The following SLC6A6 variants were observed in gnomAD, a reference collection of about 807,000 sequenced individuals.
The protein encoded by SLC6A6 is sodium- and chloride-dependent taurine transporter.
SLC6A6 carries 16 observed loss-of-function variants against 68.8 expected under a neutral mutation model. The ratio of observed to expected loss-of-function variants is 0.23; its 90% CI spans 0.16 to 0.35. The LOEUF is 0.35. Among genes scored for constraint, SLC6A6 ranks in the 10% least tolerant of loss-of-function variants. SLC6A6 has a pLI of 1.00. For synonymous variants in SLC6A6, 312 were observed against 315.4 expected, an observed-to-expected ratio of 0.99 and a Z score of 0.12; for missense variants, 474 against 802.8, an observed-to-expected ratio of 0.59 and a Z score of 4.95.
In SLC6A6 at chr3:14,443,682, C is replaced by T; in HGVS notation, c.48C>T (p.Asp16=). 6.2e-7 allele frequency: 1 copy of T among 1,614,166 alleles called. No homozygotes were observed. The highest frequency in any genetic ancestry group is 8.5e-7 in the Non-Finnish European group (1 of 1,179,982). ...AGTGTCTGAAAGATTTCCACAAGGACATCCTGAAGCCCTCACCAGGGAAGA... is the reference window on the plus strand; with the variant it reads ...AGTGTCTGAAAGATTTCCACAAGGATATCCTGAAGCCCTCACCAGGGAAGA... ...KLQCLKDFHK[D]ILKPSPGKSP... is the part of the protein sequence containing the mutation. Residue 16 remains aspartate (D), a synonymous_variant, in exon 3 of 15, where the codon GAC becomes GAT. Coordinates refer to ENST00000622186, the MANE Select transcript of SLC6A6 (RefSeq NM_003043.6).
chr3:14,437,585 A>C (rs1194540245), intron 2 of SLC6A6, among the ~76,000 whole-genome samples: 1 of 152,152 alleles, frequency 6.6e-6, no homozygotes, highest in Non-Finnish European at 1.5e-5. Context: ...CTTACGTATC[A>C]CCTCGCTTCC....
Position 14,452,912 on chromosome 3 carries a change from G to A in SLC6A6, c.600-5038G>A, listed in dbSNP as rs3773183. ...AGAGGCCCTCCATCAGGCTGGAGCC[G>A]TGCCTTCCTCCTAGGCTCCTCCAGA... On this transcript the variant is annotated intron_variant, in intron 5 of 14. Coordinates refer to ENST00000622186, the MANE Select transcript of SLC6A6 (RefSeq NM_003043.6). Among the ~76,000 whole-genome samples the A allele has an allele frequency of 1.4e-4, 22 of 152,326 alleles. No homozygotes were observed. In the East Asian group the frequency reaches 2.9e-3, roughly 20 times the overall value.
intron 1 of SLC6A6, among the ~76,000 whole-genome samples, chr3:14,416,144 TGTGTGTGGCTGACACAGGCAA>T (rs1332175219): frequency 3.3e-5 from 5 of 152,088 alleles, no homozygotes; most frequent in African/African-American, 1.2e-4. Context: ...GCTGTGAACA[TGTGTGTGGCTGACACAGGCAA>T]GTGTGTGGGG....
rs115412756 is a variant in SLC6A6, at chr3:14,478,914, T to C, written c.1451-171T>C. The C allele has an allele frequency of 5.6e-3, 3,381 of 608,818 alleles. 90 individuals carry two copies. The highest frequency in any genetic ancestry group is 0.055 in the African/African-American group (2,997 of 54,112). 37.7% of individuals were successfully genotyped at this position (608,818 alleles called of 1,614,324 possible). A position where few individuals can be genotyped will look rare whatever the true frequency, so the allele number is the denominator to read the frequency against. On this transcript the variant is annotated intron_variant, in intron 12 of 14. Coordinates refer to ENST00000622186, the MANE Select transcript of SLC6A6 (RefSeq NM_003043.6). ...CTCAGATTGCCAGAAAAATACAAGA[T>C]GCAGAGTTATATTTGAATTTCATGT...
In SLC6A6 at chr3:14,416,387, TCTTCGCTTC is replaced by T. The variant is rs1370418400; in HGVS notation, c.-53-22_-53-14del. 1 of 390,802 alleles carries T rather than the reference TCTTCGCTTC, an allele frequency of 2.6e-6. No individual in the cohort carries two copies. The allele number at this position is 390,802 out of a possible 1,614,324, so 24.2% of individuals were successfully genotyped here. A position where few individuals can be genotyped will look rare whatever the true frequency, so the allele number is the denominator to read the frequency against. ...CCTCTGACCAGATCTCTTTCTTCCG[TCTTCGCTTC>T]CTCTCTTTGCAATAGATCCAGAACC... On this transcript the variant is annotated splice_polypyrimidine_tract_variant and intron_variant, in intron 1 of 14. Transcript: ENST00000622186.
In SLC6A6 at chr3:14,445,865, G is replaced by A. The variant is rs530593914; in HGVS notation, c.364+14G>A. Reference sequence around the variant, plus strand: ...CCTTGTTCTCTGGTGAGTATGGGACGGAGGTCACTTGGGGCCTGGCACTCA... The same window carrying A: ...CCTTGTTCTCTGGTGAGTATGGGACAGAGGTCACTTGGGGCCTGGCACTCA... On this transcript the variant is annotated intron_variant, in intron 4 of 14. Transcript: ENST00000622186. The A allele has an allele frequency of 6.2e-6, 10 of 1,613,760 alleles. No individual in the cohort carries two copies. The highest frequency in any genetic ancestry group is 4.4e-5 in the South Asian group (4 of 91,062).
rs2341983 is a variant in SLC6A6, at chr3:14,486,431, C to G, written c.*1424C>G. The G allele has an allele frequency of 0.72, 110,330 of 152,498 alleles. 40,176 individuals carry two copies. Among genetic ancestry groups the G allele is most frequent in the East Asian group, 0.89 (4,596 of 5,176 alleles). The allele number at this position is 152,498 out of a possible 1,614,324, so 9.4% of individuals were successfully genotyped here. A position where few individuals can be genotyped will look rare whatever the true frequency, so the allele number is the denominator to read the frequency against. ...TGGGTTTACAGACATTTACCACCTG[C>G]GGACCCAAAAGAGAAGGCCTAGGAG... On this transcript the variant is annotated 3_prime_UTR_variant, in exon 15 of 15. Transcript: ENST00000622186.
chr3:14,469,059 C>G (rs1311234614), intron 9 of SLC6A6, among the ~76,000 whole-genome samples: 2 of 152,130 alleles, frequency 1.3e-5, no homozygotes, highest in Non-Finnish European at 2.9e-5. Context: ...GGTCCTGGGT[C>G]TGTAGCTTTA....
At chr3:14,443,971 C>A (rs201235328) in intron 3 of SLC6A6, 108 bp downstream of exon 3, 217 of 752,554 alleles carry the variant, frequency 2.9e-4, no homozygotes, top group African/African-American at 2.7e-3. Context: ...TTTCCCTGGC[C>A]CCCCCCCTTG....
At chr3:14,422,151 G>C (rs1372133001) in intron 2 of SLC6A6, among the ~76,000 whole-genome samples, 1 of 152,122 alleles carries the variant, frequency 6.6e-6, no homozygotes, top group Non-Finnish European at 1.5e-5. Context: ...GACTTAAAAA[G>C]CAAGCACCGC....
Position 14,468,489 on chromosome 3 carries a change from C to T in SLC6A6, c.1096+277C>T, listed in dbSNP as rs1249636984. On this transcript the variant is annotated intron_variant, in intron 9 of 14. Transcript: ENST00000622186. This position sits in a 1 kb window ranked among gnomAD's most constrained non-coding sequence, Gnocchi z 4.5. The stretch of plus-strand genomic sequence containing the variant: ...AGCTACCTTAGTGTGGTCTTCCCCG[C>T]CCCCCCGTCCTTCCCCAGCAAACTC... Among the ~76,000 whole-genome samples, 1 of 151,692 alleles carries T rather than the reference C, an allele frequency of 6.6e-6. No homozygotes were observed. The highest frequency in any genetic ancestry group is 2.4e-5 in the African/African-American group (1 of 41,230).
intron 2 of SLC6A6, among the ~76,000 whole-genome samples, chr3:14,423,339 C>T (rs2124914012): frequency 6.6e-6 from 1 of 152,290 alleles, no homozygotes; most frequent in East Asian, 1.9e-4. Context: ...GACACTCACA[C>T]ATGAATGTTG....
intron 2 of SLC6A6, among the ~76,000 whole-genome samples, chr3:14,419,041 T>TA (rs1394038387): frequency 1.3e-5 from 2 of 152,298 alleles, no homozygotes; most frequent in African/African-American, 2.4e-5. Context: ...TGCTTCCAGA[T>TA]AGAGTCTTGT....
At position 14,464,431 on chromosome 3, in the gene SLC6A6, C is replaced by T. The variant is rs150140379; in HGVS notation, c.733-2085C>T. 2.5e-4 allele frequency among the ~76,000 whole-genome samples: 38 copies of T among 152,218 alleles called. No homozygotes were observed. The East Asian group carries it at 7.1e-3, about 29-fold the overall frequency. ...CAACTTACCTCAGAGGGTTAGGGCACGGGCCAGTGAAAATAGACGTCACAG... is the reference window on the plus strand; with the variant it reads ...CAACTTACCTCAGAGGGTTAGGGCATGGGCCAGTGAAAATAGACGTCACAG... On this transcript the variant is annotated intron_variant, in intron 6 of 14. Coordinates refer to ENST00000622186, the MANE Select transcript of SLC6A6 (RefSeq NM_003043.6).
In SLC6A6 at chr3:14,443,760, G is replaced by A; in HGVS notation, c.126G>A (p.Glu42=). ...DEAEGKPPQR[E]KWSSKIDFVL... ...CTGAGGGAAAACCTCCGCAGAGGGA[G>A]AAGTGGTCTAGCAAGATCGACTTTG... Residue 42 remains glutamate, a synonymous_variant, in exon 3 of 15, where the codon GAG becomes GAA. Coordinates refer to ENST00000622186, the MANE Select transcript of SLC6A6 (RefSeq NM_003043.6). The A allele has an allele frequency of 1.2e-6, 2 of 1,614,224 alleles. No individual in the cohort carries two copies. Among genetic ancestry groups the A allele is most frequent in the East Asian group, 4.5e-5 (2 of 44,882 alleles).
intron 3 of SLC6A6, 134 bp downstream of exon 3, chr3:14,443,997 G>C (rs748468265): frequency 2.3e-5 from 15 of 643,562 alleles, no homozygotes. Flanking sequence ...CATGAGGTCA[G>C]CCTGCCATGC....
intron 6 of SLC6A6, among the ~76,000 whole-genome samples, chr3:14,459,883 C>CTTTT (rs869191764): frequency 9.0e-4 from 36 of 40,166 alleles, no homozygotes; most frequent in Non-Finnish European, 1.3e-3. Flanking sequence ...TAATTCTCTT[C>CTTTT]TTTTTTTTTT....
rs1700905507 is a variant in SLC6A6 at position 14,477,459 on chromosome 3, C to T, written c.1347+117C>T. ...GTAGGGGCTTCATCTCCCAGCCCCA[C>T]CCAATTCAGGGGTCCTGCTTGGACC... is the stretch of plus-strand genomic sequence containing the variant. On this transcript the variant is annotated intron_variant, in intron 11 of 14. Coordinates refer to ENST00000622186, the MANE Select transcript of SLC6A6 (RefSeq NM_003043.6). The surrounding 1 kb of genome is among the most constrained non-coding windows in gnomAD (Gnocchi z 4.2). 5.0e-5 allele frequency: 53 copies of T among 1,060,388 alleles called. No individual in the cohort carries two copies. The highest frequency in any genetic ancestry group is 7.3e-5 in the Non-Finnish European group (52 of 710,312). 65.7% of individuals were successfully genotyped at this position (1,060,388 alleles called of 1,614,324 possible). A position where few individuals can be genotyped will look rare whatever the true frequency, so the allele number is the denominator to read the frequency against.
chr3:14,448,115 T>C (rs937448349), intron 5 of SLC6A6: 2 of 1,084,440 alleles, frequency 1.8e-6, no homozygotes, highest in Non-Finnish European at 2.4e-6. Flanking sequence ...TGCATACTTA[T>C]GTTGTCTAAA....
Sources: gnomAD v4.1 joint callset for allele counts (sites outside exome capture counted in the v4.1 genomes callset) on GRCh38, gnomAD v4.1.1 for gene constraint, Gnocchi (gnomAD v3.1) non-coding constraint, MANE v1.5 for transcripts, NCBI Gene and HGNC (gene_info 2026-07-23, HGNC 2026-07-21) for gene names.